The following ELP3 variants were observed in gnomAD, a reference collection of about 807,000 sequenced individuals.
The protein encoded by ELP3 is elongator complex protein 3.
A neutral mutation model predicts 74.9 loss-of-function variants in ELP3; 56 were observed. That is an observed-to-expected ratio of 0.75 (90% CI 0.60 to 0.93). ELP3 has a LOEUF of 0.93. ELP3 is among the 40% of genes least tolerant of loss of function. ELP3 has a pLI of 0.00. For missense variants in ELP3, 573 were observed against 686.5 expected, an observed-to-expected ratio of 0.83 and a Z score of 1.85; for synonymous variants, 222 against 239.8, an observed-to-expected ratio of 0.93 and a Z score of 0.68.
At chr8:28,179,788 G>GACCT (rs1814926121) in intron 14 of ELP3, among the ~76,000 whole-genome samples, 1 of 152,122 alleles carries the variant, frequency 6.6e-6, no homozygotes, top group Non-Finnish European at 1.5e-5. Flanking sequence ...TGCCACTGCT[G>GACCT]ACCTGACAGG....
At chr8:28,090,903 CCTTTT>C (rs1331036684), upstream of ELP3, among the ~76,000 whole-genome samples, 4 of 53,140 alleles carry the variant, frequency 7.5e-5, no homozygotes, top group Admixed American at 5.8e-4. Context: ...GTAAATGTTT[CCTTTT>C]TTTTTTTTTT....
At chr8:28,115,909 A>C (rs778997855) in intron 7 of ELP3, among the ~76,000 whole-genome samples, 19 of 152,124 alleles carry the variant, frequency 1.2e-4, no homozygotes, top group Non-Finnish European at 2.6e-4. Flanking sequence ...ATATGGGGTG[A>C]GGGTTTCATA....
intron 7 of ELP3, among the ~76,000 whole-genome samples, chr8:28,118,415 T>C (rs1812220162): frequency 6.6e-6 from 1 of 152,240 alleles, no homozygotes; most frequent in African/African-American, 2.4e-5. Context: ...CAGTGTGTTA[T>C]ATATATTCTC....
upstream of ELP3, chr8:28,092,892 C>T: frequency 2.4e-6 from 1 of 424,040 alleles, no homozygotes. Context: ...AGCCTCTATC[C>T]AGGAACTCTG....
In ELP3 at chr8:28,107,912, GA is replaced by G. The variant is rs1563250451; in HGVS notation, c.330del (p.Tyr111ThrfsTer25). ...TTCTTGTTCTTTTGTTGTACTGGCAGATACTGCCCTGGTGGACCTGATTCTG... is the reference window on the plus strand; with the variant it reads ...TTCTTGTTCTTTTGTTGTACTGGCAGTACTGCCCTGGTGGACCTGATTCTG... ...PHISFTGNICVYCPGGPDSDF... is the reference protein window; with the variant it reads ...PHISFTGNICXYCPGGPDSDF... On this transcript the variant is annotated frameshift_variant and splice_region_variant, in exon 5 of 15. Transcript: ENST00000256398. LOFTEE classifies it high-confidence loss of function. 1.9e-6 allele frequency: 3 copies of G among 1,613,752 alleles called. No individual in the cohort carries two copies. The highest frequency in any genetic ancestry group is 2.5e-6 in the Non-Finnish European group (3 of 1,179,816).
At chr8:28,175,742 T>C (rs1814722127) in intron 14 of ELP3, among the ~76,000 whole-genome samples, 1 of 151,686 alleles carries the variant, frequency 6.6e-6, no homozygotes, top group Non-Finnish European at 1.5e-5. Context: ...ATGTGGTAAC[T>C]CTGGAAATCA....
intron 3 of ELP3, among the ~76,000 whole-genome samples, chr8:28,102,783 A>G (rs1811541956): frequency 6.6e-6 from 1 of 152,106 alleles, no homozygotes; most frequent in African/African-American, 2.4e-5. Flanking sequence ...ATTAGAATAC[A>G]CTCTGTGTTC....
Position 28,180,304 on chromosome 8 carries a change from C to A in ELP3, c.1568-9345C>A, listed in dbSNP as rs373329585. Among the ~76,000 whole-genome samples, 4 of 152,302 alleles carry A rather than the reference C, an allele frequency of 2.6e-5. No individual in the cohort carries two copies. In the East Asian group the frequency reaches 5.8e-4, roughly 22 times the overall value. On this transcript the variant is annotated intron_variant, in intron 14 of 14. Transcript: ENST00000256398. ...TTTATTGTATCCACTGTGTCTAATA[C>A]CCTCTTCCCCACCAACGTTGCTTTG...
chr8:28,094,746 AG>A (rs372243777), intron 1 of ELP3, among the ~76,000 whole-genome samples: 23 of 148,384 alleles, frequency 1.6e-4, no homozygotes, highest in African/African-American at 4.5e-4. Context: ...TGTCTCAAAA[AG>A]AAAAAGAAAA....
At chr8:28,099,319 A>G (rs1340698734) in intron 2 of ELP3, among the ~76,000 whole-genome samples, 1 of 152,124 alleles carries the variant, frequency 6.6e-6, no homozygotes, top group East Asian at 1.9e-4. Flanking sequence ...AGTAGTTGTC[A>G]ACCAGGGGTG....
rs573539156 is a variant in ELP3, at chr8:28,101,345, G to C, written c.258+1379G>C. ...TGAGGCAGGAGAATGGTGTGAACCC[G>C]GGAGGTGGAGCTTGCAGTGAGCTGA... On this transcript the variant is annotated intron_variant, in intron 3 of 14. Transcript: ENST00000256398. Among the ~76,000 whole-genome samples, 852 of 152,038 alleles carry C rather than the reference G, an allele frequency of 5.6e-3. 7 individuals are homozygous for C. The highest frequency in any genetic ancestry group is 0.02 in the African/African-American group (826 of 41,496).
In ELP3 at chr8:28,158,647, T is replaced by C; in HGVS notation, c.1257+14T>C. The C allele has an allele frequency of 1.9e-6, 3 of 1,605,856 alleles. No homozygotes were observed. The highest frequency in any genetic ancestry group is 2.6e-6 in the Non-Finnish European group (3 of 1,173,418). On this transcript the variant is annotated intron_variant, in intron 12 of 14. Coordinates refer to ENST00000256398, the MANE Select transcript of ELP3 (RefSeq NM_018091.6). Reference sequence around the variant, plus strand: ...CGGCCATACCAGGTTAGTCTCTTCATGTCATAGAGGGCCTAGGTACTGTCC... The same window carrying C: ...CGGCCATACCAGGTTAGTCTCTTCACGTCATAGAGGGCCTAGGTACTGTCC...
rs922574503 is a variant in ELP3, at chr8:28,189,826, G to T, written c.*101G>T. 7.7e-7 allele frequency: 1 copy of T among 1,292,810 alleles called. No homozygotes were observed. Among genetic ancestry groups the T allele is most frequent in the Non-Finnish European group, 1.1e-6 (1 of 904,362 alleles). 80.1% of individuals were successfully genotyped at this position (1,292,810 alleles called of 1,614,324 possible). ...CAGAGAGGCTGAGCAGAGCAAATGG[G>T]GGGCTTCACCCTCATCCCGCAGCTG... On this transcript the variant is annotated 3_prime_UTR_variant, in exon 15 of 15. Transcript: ENST00000256398.
intron 14 of ELP3, among the ~76,000 whole-genome samples, chr8:28,189,368 G>C (rs972291012): frequency 1.3e-5 from 2 of 152,226 alleles, no homozygotes; most frequent in African/African-American, 4.8e-5. Context: ...TCCAACACAC[G>C]GGTGCACACG....
At chr8:28,106,108 G>A (rs1295454472) in intron 3 of ELP3, among the ~76,000 whole-genome samples, 1 of 152,116 alleles carries the variant, frequency 6.6e-6, no homozygotes, top group Non-Finnish European at 1.5e-5. Flanking sequence ...AATCACTTTG[G>A]CTTTAACAGT....
At chr8:28,129,227 A>C (rs1812698611) in intron 7 of ELP3, 1 of 299,590 alleles carries the variant, frequency 3.3e-6, no homozygotes, top group Non-Finnish European at 6.3e-6. Context: ...TAATAACATT[A>C]CTATGCTAGC....
At chr8:28,178,235 A>T (rs947819084) in intron 14 of ELP3, among the ~76,000 whole-genome samples, 1 of 152,176 alleles carries the variant, frequency 6.6e-6, no homozygotes, top group African/African-American at 2.4e-5. Flanking sequence ...TCTTAATACT[A>T]TTGCATTGGG....
intron 7 of ELP3, among the ~76,000 whole-genome samples, chr8:28,120,010 G>A (rs575821162): frequency 2.0e-5 from 3 of 152,168 alleles, no homozygotes; most frequent in East Asian, 1.9e-4. Flanking sequence ...ATTGATAGAC[G>A]CCTGAGCTGT....
chr8:28,143,972 T>C (rs1813338909), intron 10 of ELP3, among the ~76,000 whole-genome samples: 1 of 152,188 alleles, frequency 6.6e-6, no homozygotes, highest in South Asian at 2.1e-4. Flanking sequence ...CTCTATAGAA[T>C]TGGGTGCTTT....
Sources: gnomAD v4.1 joint callset for allele counts (sites outside exome capture counted in the v4.1 genomes callset) on GRCh38, gnomAD v4.1.1 for gene constraint, MANE v1.5 for transcripts, NCBI Gene and HGNC (gene_info 2026-07-23, HGNC 2026-07-21) for gene names.